Variants in NTN1 observed in about 807,000 individuals in gnomAD.
The protein encoded by NTN1 is netrin-1.
In NTN1, 11 loss-of-function variants were observed where a neutral mutation model predicts 54.2. That is an observed-to-expected ratio of 0.20 (90% CI 0.13 to 0.34). The LOEUF is 0.34. Ranked by LOEUF, NTN1 falls within the 10% of genes least tolerant of loss-of-function variation. NTN1 has a pLI of 1.00. For synonymous variants in NTN1, 371 were observed against 382.0 expected, an observed-to-expected ratio of 0.97 and a Z score of 0.33; for missense variants, 740 against 893.1, an observed-to-expected ratio of 0.83 and a Z score of 2.18.
At chr17:9,028,823 C>T (rs188959097) in intron 2 of NTN1, among the ~76,000 whole-genome samples, 5 of 152,248 alleles carry the variant, frequency 3.3e-5, no homozygotes, top group Non-Finnish European at 4.4e-5. Context: ...ATGGCTTCTA[C>T]GGTGTCTGCA....
intron 2 of NTN1, among the ~76,000 whole-genome samples, chr17:9,141,882 T>G (rs2142280709): frequency 6.6e-6 from 1 of 152,186 alleles, no homozygotes; most frequent in South Asian, 2.1e-4. Context: ...GCCAACATGG[T>G]GAAACCCTGT....
At chr17:9,009,788 C>T in the NTN1 span, among the ~76,000 whole-genome samples, 5 of 151,986 alleles carry the variant, frequency 3.3e-5, no homozygotes, top group African/African-American at 1.2e-4. Context: ...ACTTTTTTCC[C>T]CCGCCTAAGT....
Position 9,023,081 on chromosome 17 carries a change from C to G in NTN1, c.708C>G (p.Pro236=), listed in dbSNP as rs2091858414. ...RPSAHDFDNS[P]VLQDWVTATD... ...CGGCGCACGACTTCGACAACTCGCC[C>G]GTGCTGCAGGACTGGGTCACGGCCA... The change falls in exon 2 of 7, where the codon CCC becomes CCG. Residue 236 remains proline (P), a synonymous_variant. Coordinates refer to ENST00000173229, the MANE Select transcript of NTN1 (RefSeq NM_004822.3). 3 of 1,573,186 alleles carry G rather than the reference C, an allele frequency of 1.9e-6. No homozygotes were observed. Among genetic ancestry groups the G allele is most frequent in the Admixed American group, 3.7e-5 (2 of 54,192 alleles).
At chr17:9,203,109 G>C (rs980461250) in intron 5 of NTN1, among the ~76,000 whole-genome samples, 17 of 152,002 alleles carry the variant, frequency 1.1e-4, no homozygotes, top group Admixed American at 1.0e-3. Context: ...TTTTACTAGA[G>C]ATGGGGTTTC....
intron 5 of NTN1, among the ~76,000 whole-genome samples, chr17:9,204,207 C>G (rs1238027078): frequency 6.6e-6 from 1 of 150,778 alleles, no homozygotes; most frequent in Non-Finnish European, 1.5e-5. Context: ...TTCCTTCCTT[C>G]CTTCCTTCCT....
intron 5 of NTN1, among the ~76,000 whole-genome samples, chr17:9,202,020 T>A (rs71371898): frequency 1.1e-5 from 1 of 88,090 alleles, no homozygotes; most frequent in Non-Finnish European, 2.1e-5. Flanking sequence ...ACCCCGTCTC[T>A]ACTAAAAATA....
intron 5 of NTN1, among the ~76,000 whole-genome samples, chr17:9,184,226 G>A (rs752594382): frequency 7.2e-5 from 11 of 152,226 alleles, no homozygotes; most frequent in African/African-American, 1.2e-4. Context: ...TTCAGGGAGT[G>A]CCAGAGGCAG....
chr17:9,058,642 A>C (rs1201955621), intron 2 of NTN1, among the ~76,000 whole-genome samples: 5 of 144,262 alleles, frequency 3.5e-5, no homozygotes, highest in Non-Finnish European at 1.5e-5. Flanking sequence ...GCACTCAAAA[A>C]AAAAAAAAAA....
At chr17:9,079,723 T>C (rs2092064019) in intron 2 of NTN1, among the ~76,000 whole-genome samples, 1 of 150,652 alleles carries the variant, frequency 6.6e-6, no homozygotes, top group Non-Finnish European at 1.5e-5. Context: ...GCGGGCCTGT[T>C]TCCTGGCCCT....
At chr17:9,235,392 C>G (rs988286712) in intron 6 of NTN1, among the ~76,000 whole-genome samples, 1 of 152,210 alleles carries the variant, frequency 6.6e-6, no homozygotes, top group African/African-American at 2.4e-5. Context: ...GCAGAGCCCC[C>G]CTGTTCCAGC....
intron 2 of NTN1, among the ~76,000 whole-genome samples, chr17:9,030,675 G>A (rs888447678): frequency 6.6e-6 from 1 of 151,992 alleles, no homozygotes; most frequent in Admixed American, 6.5e-5. Flanking sequence ...AACCCGAGAG[G>A]CAGAGGTTGC....
chr17:9,243,108 C>CGCAGTA lies in NTN1; in HGVS notation c.*3141_*3146dup, dbSNP rs934777817. On this transcript the variant is annotated 3_prime_UTR_variant, in exon 7 of 7. Transcript: ENST00000173229. ...CAGCTGAGTGCCTGCTTTACGGACA[C>CGCAGTA]GCAGTAATGCCGAAGATTTGCGGGG... The CGCAGTA allele has an allele frequency of 1.3e-4, 20 of 152,226 alleles. No individual in the cohort carries two copies. The highest frequency in any genetic ancestry group is 4.8e-4 in the African/African-American group (20 of 41,450). 9.4% of individuals were successfully genotyped at this position (152,226 alleles called of 1,614,324 possible).
chr17:9,141,834 G>A (rs1314078967), intron 2 of NTN1, among the ~76,000 whole-genome samples: 1 of 152,158 alleles, frequency 6.6e-6, no homozygotes, highest in African/African-American at 2.4e-5. Context: ...AGCTGAGGCG[G>A]GTGGATCACT....
At chr17:9,107,939 C>A (rs1032607767) in intron 2 of NTN1, among the ~76,000 whole-genome samples, 1 of 152,172 alleles carries the variant, frequency 6.6e-6, no homozygotes, top group Non-Finnish European at 1.5e-5. Context: ...ATGCTTGAAA[C>A]CCATCTATTC....
rs869056034 is a variant in NTN1, at chr17:9,114,153, GAAAA to G, written c.1019-48649_1019-48646del. ...CTCTAGCCTGGGTGCCAAAAAAAAA[GAAAA>G]AAAAAAAAAATATATATATATATAT... is the stretch of plus-strand genomic sequence containing the variant. On this transcript the variant is annotated intron_variant, in intron 2 of 6. Transcript: ENST00000173229. Among the ~76,000 whole-genome samples the G allele has an allele frequency of 5.4e-4, 50 of 92,996 alleles. 2 individuals are homozygous for G. In the South Asian group the frequency reaches 5.9e-3, roughly 11 times the overall value. The allele number at this position is 92,996 out of a possible 152,430, so 61.0% of individuals were successfully genotyped here.
chr17:9,239,922 G>A lies in NTN1; in HGVS notation c.1769G>A (p.Arg590His), dbSNP rs1309693313. The change falls in exon 7 of 7, where the codon CGC becomes CAC. Residue 590 changes from arginine to histidine, a missense_variant. Coordinates refer to ENST00000173229, the MANE Select transcript of NTN1 (RefSeq NM_004822.3). The surrounding 1 kb of genome is among the most constrained non-coding windows in gnomAD (Gnocchi z 5.2). Reference protein sequence around the residue: ...QWRDTWARRLRKFQQREKKGK... With the variant: ...QWRDTWARRLHKFQQREKKGK... ...CGGGACACGTGGGCGCGGCGGCTGC[G>A]CAAGTTCCAGCAGCGTGAGAAGAAG... 1 of 1,372,010 alleles carries A rather than the reference G, an allele frequency of 7.3e-7. No homozygotes were observed. Among genetic ancestry groups the A allele is most frequent in the African/African-American group, 1.5e-5 (1 of 65,416 alleles). 85.0% of individuals were successfully genotyped at this position (1,372,010 alleles called of 1,614,324 possible).
chr17:9,221,270 G>T lies in NTN1; in HGVS notation c.1486+28G>T. ...GAGTGAGAGTCCCCTTGTCTGGGGA[G>T]GATGGGAGGGGGCCACGTGACCAGC... On this transcript the variant is annotated intron_variant, in intron 6 of 6. Transcript: ENST00000173229. The surrounding 1 kb of genome is among the most constrained non-coding windows in gnomAD (Gnocchi z 4.5). 6.4e-7 allele frequency: 1 copy of T among 1,570,198 alleles called. No homozygotes were observed. The highest frequency in any genetic ancestry group is 1.1e-5 in the South Asian group (1 of 90,194).
At chr17:9,106,244 C>T (rs2142246857) in intron 2 of NTN1, among the ~76,000 whole-genome samples, 1 of 152,314 alleles carries the variant, frequency 6.6e-6, no homozygotes, top group East Asian at 1.9e-4. Context: ...AGCAGTCGTA[C>T]CTGACTCTTG....
At chr17:9,227,025 C>G (rs1244075638) in intron 6 of NTN1, among the ~76,000 whole-genome samples, 1 of 152,108 alleles carries the variant, frequency 6.6e-6, no homozygotes, top group Non-Finnish European at 1.5e-5. Context: ...TCCTCCTGTT[C>G]CCTTCCCGTC....
Sources: allele counts gnomAD v4.1 joint callset (sites outside exome capture counted in the v4.1 genomes callset), GRCh38; gene constraint gnomAD v4.1.1; non-coding constraint Gnocchi (gnomAD v3.1); transcripts MANE v1.5; gene names NCBI Gene and HGNC (gene_info 2026-07-23, HGNC 2026-07-21).